The following UNC13A variants were observed in gnomAD, a reference collection of about 807,000 sequenced individuals.
UNC13A encodes unc-13 homolog A.
In UNC13A, 61 loss-of-function variants were observed where a neutral mutation model predicts 219.7. That is an observed-to-expected ratio of 0.28 (90% confidence interval 0.23 to 0.34). The LOEUF (loss-of-function observed/expected upper bound fraction) is 0.34. Ranked by LOEUF, UNC13A falls within the 10% of genes least tolerant of loss-of-function variation. The pLI is 1.00. For synonymous variants in UNC13A, 920 were observed against 884.6 expected, an observed-to-expected ratio of 1.04 and a Z score of -0.71; for missense variants, 1,476 against 2,270.3, an observed-to-expected ratio of 0.65 and a Z score of 7.11.
At chr19:17,633,827 C>T (rs561638922) in intron 26 of UNC13A, among the ~76,000 whole-genome samples, 1 of 150,792 alleles carries the variant, frequency 6.6e-6, no homozygotes, top group South Asian at 2.1e-4. Context: ...CCATCTATCC[C>T]TCTACCCATT....
At position 17,639,150 on chromosome 19, in the gene UNC13A, T is replaced by C. The variant is rs768749250; in HGVS notation, c.3014A>G (p.Asn1005Ser). The C allele has an allele frequency of 6.2e-7, 1 of 1,613,804 alleles. No individual in the cohort carries two copies. The highest frequency in any genetic ancestry group is 8.5e-7 in the Non-Finnish European group (1 of 1,179,906). ...ATTGAAGATGTACTCGTAGGTAGAA[T>C]TAAGGCAGGCTTTCACACAGTCCTT... is the stretch of plus-strand genomic sequence containing the variant. ...VVKDCVKACL[N>S]STYEYIFNNC... Residue 1005 changes from asparagine (N) to serine (S), a missense_variant, in exon 25 of 44, where the codon AAT (asparagine) becomes AGT (serine). Physicochemically the swap from Asn to Ser is conservative, Grantham distance 46. This residue lies in a region of UNC13A where 140 missense variants were observed against 270.9 expected (regional missense o/e 0.52). Transcript: ENST00000519716.
intron 41 of UNC13A, among the ~76,000 whole-genome samples, chr19:17,615,865 TC>T: frequency 6.6e-6 from 1 of 151,958 alleles, no homozygotes; most frequent in Non-Finnish European, 1.5e-5. Flanking sequence ...TCCCAGCTCC[TC>T]GGGAGGCTGG....
chr19:17,646,247 G>T, intron 17 of UNC13A, 136 bp from the exon 18 acceptor site: 1 of 1,196,510 alleles, frequency 8.4e-7, no homozygotes, highest in Non-Finnish European at 1.1e-6. Flanking sequence ...GGCACGCTGG[G>T]CTTGCCAGAG....
chr19:17,642,351 C>A (rs62121687), intron 20 of UNC13A, among the ~76,000 whole-genome samples: 27,905 of 152,140 alleles, frequency 0.18, 2,920 homozygotes, highest in Middle Eastern at 0.24. Flanking sequence ...GTCCATCCAT[C>A]CATCATCCAT....
chr19:17,669,792 C>T, intron 4 of UNC13A, 116 bp from the exon 5 acceptor site: 2 of 1,254,772 alleles, frequency 1.6e-6, no homozygotes, highest in Non-Finnish European at 2.1e-6. Flanking sequence ...AAAGTCATGT[C>T]CCCTCTCTAT....
chr19:17,670,646 G>C (rs2079767781), intron 4 of UNC13A, among the ~76,000 whole-genome samples: 1 of 151,918 alleles, frequency 6.6e-6, no homozygotes, highest in African/African-American at 2.4e-5. Flanking sequence ...ACTCACACCT[G>C]TAATCCCAGC....
At chr19:17,641,604 G>A (rs773406040) in intron 20 of UNC13A, 48 bp from the exon 21 acceptor site, 21 of 1,587,590 alleles carry the variant, frequency 1.3e-5, no homozygotes, top group Middle Eastern at 1.7e-4. Context: ...AGGGGTCGCC[G>A]GGGGTCAGAG....
At position 17,640,465 on chromosome 19, in the gene UNC13A, A is replaced by C. The variant is rs1014243653; in HGVS notation, c.2787+46T>G. On this transcript the variant is annotated intron_variant, in intron 22 of 43. Coordinates refer to ENST00000519716, the MANE Select transcript of UNC13A (RefSeq NM_001080421.3). ...AGTCACATCAGATCTGACCGGCATA[A>C]AGTTGGGCTCTCCCTAATTCTCCAA... is the stretch of plus-strand genomic sequence containing the variant. 2.6e-6 allele frequency: 4 copies of C among 1,526,444 alleles called. No individual in the cohort carries two copies. In the Admixed American group the frequency reaches 8.2e-5, roughly 31 times the overall value. The allele number at this position is 1,526,444 out of a possible 1,614,324, so 94.6% of individuals were successfully genotyped here.
At position 17,604,104 on chromosome 19, in the gene UNC13A, C is replaced by G. The variant is rs1042309707; in HGVS notation, c.*1950G>C. On this transcript the variant is annotated 3_prime_UTR_variant, in exon 44 of 44. Coordinates refer to ENST00000519716, the MANE Select transcript of UNC13A (RefSeq NM_001080421.3). ...TGGGATTATAGTCATGTCCCCACAG[C>G]TATAGGTGTCTTTTCAACACAGCCT... The G allele has an allele frequency of 6.6e-6, 1 of 152,170 alleles. No homozygotes were observed. The highest frequency in any genetic ancestry group is 2.4e-5 in the African/African-American group (1 of 41,408). 9.4% of individuals were successfully genotyped at this position (152,170 alleles called of 1,614,324 possible). A position where few individuals can be genotyped will look rare whatever the true frequency, so the allele number is the denominator to read the frequency against.
At chr19:17,664,211 C>T (rs1455607475) in intron 7 of UNC13A, among the ~76,000 whole-genome samples, 3 of 152,126 alleles carry the variant, frequency 2.0e-5, no homozygotes, top group Non-Finnish European at 4.4e-5. Context: ...CAGTCTCCAC[C>T]CTTTTCCTCT....
At position 17,640,566 on chromosome 19, in the gene UNC13A, G is replaced by A. The variant is rs907813492; in HGVS notation, c.2732C>T (p.Thr911Ile). Residue 911 changes from threonine to isoleucine, a missense_variant, in exon 22 of 44, where the codon ACC (threonine) becomes ATC (isoleucine). This residue lies in a region of UNC13A where 140 missense variants were observed against 270.9 expected (regional missense o/e 0.52). Transcript: ENST00000519716. ...GGCAGACACGTTGGTGGAGGCGGTG[G>A]TGTGTGCGTAGTAGGCATTGATGTT... ...LANINAYYAH[T>I]TASTNVSASD... 3 of 1,561,354 alleles carry A rather than the reference G, an allele frequency of 1.9e-6. No homozygotes were observed. The highest frequency in any genetic ancestry group is 2.6e-6 in the Non-Finnish European group (3 of 1,153,518).
chr19:17,676,901 C>A (rs1421674482), intron 1 of UNC13A, among the ~76,000 whole-genome samples: 1 of 152,122 alleles, frequency 6.6e-6, no homozygotes, highest in African/African-American at 2.4e-5. Context: ...ATAGTCTCAG[C>A]TACTTGGGAG....
At chr19:17,666,469 T>C (rs966835960) in intron 7 of UNC13A, among the ~76,000 whole-genome samples, 181 bp downstream of exon 7, 14 of 152,052 alleles carry the variant, frequency 9.2e-5, no homozygotes, top group African/African-American at 3.4e-4. Flanking sequence ...AGTGCTGGGA[T>C]TACAGGGGTG....
intron 11 of UNC13A, among the ~76,000 whole-genome samples, chr19:17,653,821 CTTTTTTTTTTTTT>C (rs57243215): frequency 7.7e-5 from 6 of 78,278 alleles, no homozygotes; most frequent in African/African-American, 1.6e-4. Flanking sequence ...TATCACTTCT[CTTTTTTTTTTTTT>C]TTTTTTTTTT....
chr19:17,634,321 T>C (rs2076889855), intron 26 of UNC13A, among the ~76,000 whole-genome samples: 1 of 152,166 alleles, frequency 6.6e-6, no homozygotes, highest in African/African-American at 2.4e-5. Flanking sequence ...CCCATCCATC[T>C]GTCCACCCAT....
intron 7 of UNC13A, among the ~76,000 whole-genome samples, chr19:17,665,004 AG>A: frequency 6.6e-6 from 1 of 152,214 alleles, no homozygotes; most frequent in Non-Finnish European, 1.5e-5. Flanking sequence ...ATTTGAGACC[AG>A]CCTGGCCAAC....
chr19:17,651,250 A>AT (rs35993932), intron 12 of UNC13A, among the ~76,000 whole-genome samples: 100,452 of 149,434 alleles, frequency 0.67, 34,468 homozygotes, highest in African/African-American at 0.85. Flanking sequence ...CACATAGCTA[A>AT]TTAAAAAAAA....
intron 19 of UNC13A, 94 bp downstream of exon 19, chr19:17,645,580 C>T: frequency 6.4e-7 from 1 of 1,551,454 alleles, no homozygotes. Flanking sequence ...CAAACTCCTC[C>T]TGAGAACACA....
At chr19:17,686,839 A>C (rs1266591027) in intron 1 of UNC13A, among the ~76,000 whole-genome samples, 1 of 99,112 alleles carries the variant, frequency 1.0e-5, no homozygotes, top group Non-Finnish European at 2.2e-5. Flanking sequence ...AGGGAGGAGG[A>C]GGGGCGGCGG....
Sources: gnomAD v4.1 joint callset for allele counts (sites outside exome capture counted in the v4.1 genomes callset) on GRCh38, gnomAD v4.1.1 for gene constraint, gnomAD v4.1.1 regional missense constraint, MANE v1.5 for transcripts, NCBI Gene and HGNC (gene_info 2026-07-23, HGNC 2026-07-21) for gene names.